TBC1D13: variants seen among roughly 807,000 people sequenced by gnomAD.
TBC1D13 encodes the protein epididymis secretory sperm binding protein.
TBC1D13 carries 40 observed loss-of-function variants against 53.6 expected under a neutral mutation model. That is an observed-to-expected ratio of 0.75 (90% confidence interval 0.58 to 0.97). The LOEUF is 0.97. TBC1D13 is among the 50% of genes least tolerant of loss of function. The pLI is 0.00. For missense variants in TBC1D13, 377 were observed against 499.4 expected (o/e 0.75, Z 2.34); for synonymous variants, 182 against 197.7 (o/e 0.92, Z 0.67).
chr9:128,791,294 T>A lies in TBC1D13; in HGVS notation c.139-86T>A. 5.4e-6 allele frequency: 7 copies of A among 1,296,272 alleles called. No individual in the cohort carries two copies. The South Asian group carries it at 8.3e-5, about 15-fold the overall frequency. 80.3% of individuals were successfully genotyped at this position (1,296,272 alleles called of 1,614,324 possible). On this transcript the variant is annotated intron_variant, in intron 3 of 11. Transcript: ENST00000372648. ...TGTCTTCTTGGGACTTTATGAGATG[T>A]TTTTCTTGAGGCCTGTCATCCCCGC...
At position 128,807,858 on chromosome 9, in the gene TBC1D13, G is replaced by A. The variant is rs781778704; in HGVS notation, c.1182G>A (p.Lys394=). 1.2e-6 allele frequency: 2 copies of A among 1,614,122 alleles called. No individual in the cohort carries two copies. Among genetic ancestry groups the A allele is most frequent in the African/African-American group, 1.3e-5 (1 of 74,944 alleles). ...TCTGCCAGATCCTGCAGAAAGCCAAGGAGCTCCAAGACTCAAAGTAGCCCG... is the reference window on the plus strand; with the variant it reads ...TCTGCCAGATCCTGCAGAAAGCCAAAGAGCTCCAAGACTCAAAGTAGCCCG... ...TDVCQILQKA[K]ELQDSK The change falls in exon 12 of 12, where the codon AAG becomes AAA. Residue 394 remains lysine, a synonymous_variant. Coordinates refer to ENST00000372648, the MANE Select transcript of TBC1D13 (RefSeq NM_018201.5).
chr9:128,804,175 G>A (rs1829786575), intron 9 of TBC1D13, 56 bp downstream of exon 9: 9 of 1,588,638 alleles, frequency 5.7e-6, no homozygotes, highest in Non-Finnish European at 6.9e-6. Flanking sequence ...GAGTTGCTGT[G>A]CCATCCCAGC....
At chr9:128,792,142 G>A (rs949435461) in intron 5 of TBC1D13, among the ~76,000 whole-genome samples, 4 of 152,224 alleles carry the variant, frequency 2.6e-5, no homozygotes, top group Non-Finnish European at 5.9e-5. Context: ...AATGAGAGCC[G>A]AAGAAACCAA....
chr9:128,792,669 G>T, intron 6 of TBC1D13, 95 bp downstream of exon 6: 1 of 1,144,420 alleles, frequency 8.7e-7, no homozygotes, highest in Non-Finnish European at 1.3e-6. Context: ...GCCTATGGGT[G>T]AGTGTTTGCG....
Position 128,788,419 on chromosome 9 carries a change from T to G in TBC1D13, c.97+12T>G. On this transcript the variant is annotated intron_variant, in intron 2 of 11. Coordinates refer to ENST00000372648, the MANE Select transcript of TBC1D13 (RefSeq NM_018201.5). The stretch of plus-strand genomic sequence containing the variant: ...ACTCAGCTTTAGTGGTAAGAAGCCA[T>G]TCTGTATTTTCACGGTTTCCCTACA... 1 of 1,613,060 alleles carries G rather than the reference T, an allele frequency of 6.2e-7. No individual in the cohort carries two copies. The highest frequency in any genetic ancestry group is 8.5e-7 in the Non-Finnish European group (1 of 1,179,128).
At chr9:128,803,191 G>C (rs1000381521) in intron 7 of TBC1D13, 59 bp from the exon 8 acceptor site, 113 of 1,518,220 alleles carry the variant, frequency 7.4e-5, no homozygotes, top group Non-Finnish European at 1.0e-4. Flanking sequence ...GGGATTTCAG[G>C]CATGAGCCAC....
chr9:128,796,841 C>T (rs1451655130), intron 6 of TBC1D13, among the ~76,000 whole-genome samples: 2 of 151,998 alleles, frequency 1.3e-5, no homozygotes, highest in African/African-American at 4.8e-5. Context: ...GAGAATGAGG[C>T]AGGAGAATGG....
rs1291401645 is a variant in TBC1D13, at chr9:128,808,217, T to C, written c.*338T>C. 1.2e-5 allele frequency: 4 copies of C among 341,254 alleles called. No individual in the cohort carries two copies. The highest frequency in any genetic ancestry group is 2.1e-5 in the African/African-American group (1 of 48,294). 21.1% of individuals were successfully genotyped at this position (341,254 alleles called of 1,614,324 possible). A position where few individuals can be genotyped will look rare whatever the true frequency, so the allele number is the denominator to read the frequency against. ...CTGCCGCCCCAGCCTCAGTTCCTGC[T>C]TCTGGTCTTCTCCTGGGCTCCACTC... On this transcript the variant is annotated 3_prime_UTR_variant, in exon 12 of 12. Coordinates refer to ENST00000372648, the MANE Select transcript of TBC1D13 (RefSeq NM_018201.5).
intron 7 of TBC1D13, among the ~76,000 whole-genome samples, chr9:128,799,282 T>C (rs1001920273): frequency 6.6e-6 from 1 of 152,228 alleles, no homozygotes; most frequent in Non-Finnish European, 1.5e-5. Flanking sequence ...TTGGTCCTGG[T>C]AGCAGAGAAC....
At chr9:128,800,458 C>T (rs1240751570) in intron 7 of TBC1D13, among the ~76,000 whole-genome samples, 2 of 149,004 alleles carry the variant, frequency 1.3e-5, no homozygotes, top group African/African-American at 5.0e-5. Flanking sequence ...GCAACCTCTG[C>T]CTCCTGGATT....
chr9:128,790,869 T>C, intron 3 of TBC1D13, 94 bp downstream of exon 3: 2 of 1,322,424 alleles, frequency 1.5e-6, no homozygotes, highest in Non-Finnish European at 2.1e-6. Context: ...CCTCCTGTTC[T>C]GCACCTTTCC....
At chr9:128,794,192 G>A (rs536373210) in intron 6 of TBC1D13, among the ~76,000 whole-genome samples, 2 of 152,268 alleles carry the variant, frequency 1.3e-5, no homozygotes, top group South Asian at 2.1e-4. Flanking sequence ...CCTGTGGCCG[G>A]GGAAGAAGGC....
At chr9:128,807,073 T>C (rs1829848822) in intron 11 of TBC1D13, among the ~76,000 whole-genome samples, 1 of 150,560 alleles carries the variant, frequency 6.6e-6, no homozygotes, top group Non-Finnish European at 1.5e-5. Context: ...CACGTGGCCT[T>C]AGTGTTGCTT....
chr9:128,789,889 A>T (rs1048014236), intron 2 of TBC1D13: 1 of 151,412 alleles, frequency 6.6e-6, no homozygotes, highest in African/African-American at 2.4e-5. Context: ...ACTGACCTGA[A>T]TTAGGATGAC....
intron 6 of TBC1D13, among the ~76,000 whole-genome samples, chr9:128,795,055 A>ATT (rs201211229): frequency 6.9e-5 from 10 of 144,510 alleles, no homozygotes; most frequent in South Asian, 6.7e-4. Flanking sequence ...ATGTTAGATA[A>ATT]TTTTTTTTTT....
chr9:128,799,722 G>A (rs532974173), intron 7 of TBC1D13, among the ~76,000 whole-genome samples: 7 of 152,184 alleles, frequency 4.6e-5, no homozygotes, highest in South Asian at 4.1e-4. Context: ...ATTGTCTGCC[G>A]CATAAAAAGC....
In TBC1D13 at chr9:128,797,362, C is replaced by T. The variant is rs562019216; in HGVS notation, c.543+148C>T. 10 of 882,458 alleles carry T rather than the reference C, an allele frequency of 1.1e-5. No homozygotes were observed. The South Asian group carries it at 1.5e-4, about 13-fold the overall frequency. The allele number at this position is 882,458 out of a possible 1,614,324, so 54.7% of individuals were successfully genotyped here. On this transcript the variant is annotated intron_variant, in intron 7 of 11. Coordinates refer to ENST00000372648, the MANE Select transcript of TBC1D13 (RefSeq NM_018201.5). Reference sequence around the variant, plus strand: ...CCTGATGCTGCCAGATCCTGGGGTGCTTTCTAAAAGTTGGGTAACAGAGGT... The same window carrying T: ...CCTGATGCTGCCAGATCCTGGGGTGTTTTCTAAAAGTTGGGTAACAGAGGT...
At chr9:128,788,448 G>C (rs748521335) in intron 2 of TBC1D13, 41 bp downstream of exon 2, 1 of 1,584,160 alleles carries the variant, frequency 6.3e-7, no homozygotes. Flanking sequence ...CCCTACAGCA[G>C]CCCTGTGGCT....
At chr9:128,806,849 T>G (rs968236868) in intron 11 of TBC1D13, among the ~76,000 whole-genome samples, 4 of 151,558 alleles carry the variant, frequency 2.6e-5, no homozygotes, top group African/African-American at 9.7e-5. Context: ...GAGGCTGAGG[T>G]AGGAGAATCA....
Sources: allele counts gnomAD v4.1 joint callset (sites outside exome capture counted in the v4.1 genomes callset), GRCh38; gene constraint gnomAD v4.1.1; transcripts MANE v1.5; gene names NCBI Gene and HGNC (gene_info 2026-07-23, HGNC 2026-07-21).